The following NT5DC3 variants were observed in gnomAD, a reference collection of about 807,000 sequenced individuals.
The protein encoded by NT5DC3 is 5'-nucleotidase domain-containing protein 3.
NT5DC3 carries 42 observed loss-of-function variants against 67.8 expected under a neutral mutation model. The observed-to-expected ratio is 0.62, with a 90% CI of 0.48 to 0.80. The LOEUF (loss-of-function observed/expected upper bound fraction) is 0.80. Ranked by LOEUF, NT5DC3 falls within the 30% of genes least tolerant of loss-of-function variation. The pLI, the probability that NT5DC3 is intolerant of heterozygous loss-of-function variation, is 0.00. For synonymous variants in NT5DC3, 237 were observed against 255.6 expected (o/e 0.93, Z 0.69); for missense variants, 570 against 696.4 (o/e 0.82, Z 2.04).
intron 1 of NT5DC3, among the ~76,000 whole-genome samples, chr12:103,839,522 G>C (rs1038842983): frequency 6.6e-6 from 1 of 152,132 alleles, no homozygotes. Flanking sequence ...GATTACAGGC[G>C]TGAGCTCACA....
At chr12:103,779,800 C>T (rs984042824) in intron 13 of NT5DC3, among the ~76,000 whole-genome samples, 2 of 152,216 alleles carry the variant, frequency 1.3e-5, no homozygotes, top group South Asian at 4.1e-4. Context: ...ACCCACCAAA[C>T]TTTTCTTATG....
At chr12:103,834,322 A>C (rs192468307) in intron 1 of NT5DC3, among the ~76,000 whole-genome samples, 5 of 152,282 alleles carry the variant, frequency 3.3e-5, no homozygotes, top group Non-Finnish European at 5.9e-5. Context: ...CACATCCAAA[A>C]ATCCCAAGTT....
intron 11 of NT5DC3, chr12:103,785,868 C>G: frequency 2.5e-6 from 1 of 394,834 alleles, no homozygotes; most frequent in Non-Finnish European, 4.8e-6. Context: ...GCCAGGCCCT[C>G]TGGGTTATGG....
chr12:103,781,349 C>T (rs1043146738), intron 12 of NT5DC3, among the ~76,000 whole-genome samples: 1 of 152,228 alleles, frequency 6.6e-6, no homozygotes, highest in African/African-American at 2.4e-5. Flanking sequence ...AACCCTGAGG[C>T]TGTTGAAGGG....
At chr12:103,806,119 A>G (rs1886788696) in intron 4 of NT5DC3, among the ~76,000 whole-genome samples, 1 of 152,120 alleles carries the variant, frequency 6.6e-6, no homozygotes, top group Non-Finnish European at 1.5e-5. Context: ...CCACACTCTG[A>G]GCTCCTTGAG....
intron 1 of NT5DC3, among the ~76,000 whole-genome samples, chr12:103,816,257 C>T (rs1010168843): frequency 2.0e-5 from 3 of 152,100 alleles, no homozygotes; most frequent in Admixed American, 1.3e-4. Flanking sequence ...ATCGTGGCTC[C>T]CTAATCAAAA....
rs59680009 is a variant in NT5DC3 at position 103,776,674 on chromosome 12, CA to C, written c.*1154del. 0.36 allele frequency: 48,134 copies of C among 134,638 alleles called. 8,174 individuals carry two copies. The highest frequency in any genetic ancestry group is 0.54 in the South Asian group (2,343 of 4,310). 8.3% of individuals were successfully genotyped at this position (134,638 alleles called of 1,614,324 possible). On this transcript the variant is annotated 3_prime_UTR_variant, in exon 14 of 14. Transcript: ENST00000392876. ...ACATCTAAAAAAAAACAAAACAAAA[CA>C]AAAAAAAAAAAAACAAACTACACAA...
the NT5DC3 span, among the ~76,000 whole-genome samples, chr12:103,756,396 A>G: frequency 2.0e-5 from 3 of 152,248 alleles, no homozygotes; most frequent in African/African-American, 4.8e-5. Flanking sequence ...TGTAAGTTCC[A>G]TAAGGGAAAG....
chr12:103,778,181 A>T, intron 13 of NT5DC3, 100 bp from the exon 14 acceptor site: 1 of 1,279,264 alleles, frequency 7.8e-7, no homozygotes. Flanking sequence ...AAAAAAAAAA[A>T]ATAGGACTCA....
At chr12:103,753,331 A>ACC in the NT5DC3 span, 1 of 1,614,222 alleles carries the variant, frequency 6.2e-7, no homozygotes, top group African/African-American at 1.3e-5. Flanking sequence ...GCAACCTACA[A>ACC]CCAGCTCTCC....
chr12:103,802,647 G>A (rs541771896), intron 4 of NT5DC3, among the ~76,000 whole-genome samples: 58 of 152,264 alleles, frequency 3.8e-4, no homozygotes, highest in Non-Finnish European at 6.3e-4. Context: ...AGCCAGAGAG[G>A]AAGGCCAAGA....
At chr12:103,763,083 G>A in the NT5DC3 span, among the ~76,000 whole-genome samples, 64 of 152,342 alleles carry the variant, frequency 4.2e-4, no homozygotes, top group African/African-American at 1.5e-3. Flanking sequence ...AAGCTCCAGG[G>A]AAAATCTCAA....
At chr12:103,821,568 AT>A (rs1274956505) in intron 1 of NT5DC3, among the ~76,000 whole-genome samples, 1 of 152,182 alleles carries the variant, frequency 6.6e-6, no homozygotes, top group Non-Finnish European at 1.5e-5. Context: ...TTGTAAGGGA[AT>A]TTCAGGGAAG....
intron 13 of NT5DC3, among the ~76,000 whole-genome samples, chr12:103,778,694 T>A (rs995674437): frequency 6.6e-6 from 1 of 152,004 alleles, no homozygotes; most frequent in Non-Finnish European, 1.5e-5. Flanking sequence ...TAGTTCCAGC[T>A]ACTCAGGAGG....
At chr12:103,797,745 C>A (rs1002439394) in intron 5 of NT5DC3, among the ~76,000 whole-genome samples, 1 of 152,136 alleles carries the variant, frequency 6.6e-6, no homozygotes, top group Non-Finnish European at 1.5e-5. Flanking sequence ...TCACGGCCCA[C>A]ATTTGAGCTT....
Position 103,776,000 on chromosome 12 carries a change from T to C in NT5DC3, c.*1829A>G, listed in dbSNP as rs1399842269. ...TCCTGCCATCCTTTAGATTTAAGAA[T>C]ATATACAAGTTACCGCAAAAGCTTA... On this transcript the variant is annotated 3_prime_UTR_variant, in exon 14 of 14. Coordinates refer to ENST00000392876, the MANE Select transcript of NT5DC3 (RefSeq NM_001031701.3). 6.6e-6 allele frequency: 1 copy of C among 152,140 alleles called. No homozygotes were observed. The highest frequency in any genetic ancestry group is 6.6e-5 in the Admixed American group (1 of 15,260). 9.4% of individuals were successfully genotyped at this position (152,140 alleles called of 1,614,324 possible). A position where few individuals can be genotyped will look rare whatever the true frequency, so the allele number is the denominator to read the frequency against.
At chr12:103,838,248 G>A (rs555611474) in intron 1 of NT5DC3, among the ~76,000 whole-genome samples, 1 of 152,202 alleles carries the variant, frequency 6.6e-6, no homozygotes, top group Non-Finnish European at 1.5e-5. Context: ...TGGGAGATAT[G>A]ATTCAAGTTG....
chr12:103,822,882 G>C (rs765844516), intron 1 of NT5DC3, among the ~76,000 whole-genome samples: 6 of 152,144 alleles, frequency 3.9e-5, no homozygotes, highest in Non-Finnish European at 7.4e-5. Context: ...ACATTTTGTT[G>C]CATTGATATT....
chr12:103,814,873 C>G, intron 2 of NT5DC3, 64 bp downstream of exon 2: 2 of 1,230,564 alleles, frequency 1.6e-6, no homozygotes, highest in Non-Finnish European at 2.2e-6. Context: ...GGGGTCATGT[C>G]AGCTCAAGGC....
Sources: gnomAD v4.1 joint callset for allele counts (sites outside exome capture counted in the v4.1 genomes callset) on GRCh38, gnomAD v4.1.1 for gene constraint, MANE v1.5 for transcripts, NCBI Gene and HGNC (gene_info 2026-07-23, HGNC 2026-07-21) for gene names.